The following CCM2L variants were observed in gnomAD, a reference collection of about 807,000 sequenced individuals.
CCM2L encodes CCM2 like scaffold protein.
Under a neutral mutation model 54.1 loss-of-function variants are expected in CCM2L, and 36 were observed. The ratio of observed to expected loss-of-function variants is 0.67; its 90% confidence interval spans 0.51 to 0.88. CCM2L has a LOEUF of 0.88. CCM2L is among the 40% of genes least tolerant of loss of function. The pLI, the probability that CCM2L is intolerant of heterozygous loss-of-function variation, is 0.00. For synonymous variants in CCM2L, 351 were observed against 359.3 expected (o/e 0.98, Z 0.26); for missense variants, 700 against 812.1 (o/e 0.86, Z 1.68).
intron 6 of CCM2L, among the ~76,000 whole-genome samples, chr20:32,023,116 G>A (rs951470227): frequency 1.3e-5 from 2 of 152,034 alleles, no homozygotes; most frequent in Non-Finnish European, 2.9e-5. Context: ...ACAGGCATGT[G>A]CCACCACACC....
chr20:32,019,021 G>T lies in CCM2L; in HGVS notation c.545G>T (p.Gly182Val). The T allele has an allele frequency of 7.5e-7, 1 of 1,329,740 alleles. No homozygotes were observed. Among genetic ancestry groups the T allele is most frequent in the Non-Finnish European group, 9.5e-7 (1 of 1,048,744 alleles). 82.4% of individuals were successfully genotyped at this position (1,329,740 alleles called of 1,614,324 possible). ...GAGRDPGPPG[G>V]APEKRRVGTA... ...GGACGCGACCCCGGCCCGCCAGGCG[G>T]GGCGCCCGAGAAGCGGCGGGTGGGC... The change falls in exon 5 of 10, where the codon GGG becomes GTG. Residue 182 changes from glycine to valine, a missense_variant. Transcript: ENST00000452892.
intron 7 of CCM2L, among the ~76,000 whole-genome samples, chr20:32,026,242 A>G (rs1285909203): frequency 1.3e-5 from 2 of 152,260 alleles, no homozygotes; most frequent in African/African-American, 4.8e-5. Context: ...GGTTCCATGT[A>G]ATAGAAAATC....
chr20:32,017,868 G>A lies in CCM2L; in HGVS notation c.267G>A (p.Leu89=). Residue 89 remains leucine, a synonymous_variant, in exon 3 of 10, where the codon CTG becomes CTA. Coordinates refer to ENST00000452892, the MANE Select transcript of CCM2L (RefSeq NM_001365692.1). The part of the protein sequence containing the change: ...NPSSRDELLQ[L]LDTARQLKEL... ...CCAGTCGGGACGAGCTCCTGCAGCTGCTAGACACCGCCAGGGTGAGACTCT... is the reference window on the plus strand; with the variant it reads ...CCAGTCGGGACGAGCTCCTGCAGCTACTAGACACCGCCAGGGTGAGACTCT... 6.2e-7 allele frequency: 1 copy of A among 1,613,988 alleles called. No homozygotes were observed. The highest frequency in any genetic ancestry group is 8.5e-7 in the Non-Finnish European group (1 of 1,180,014).
Position 32,018,102 on chromosome 20 carries a change from G to A in CCM2L, c.406G>A (p.Glu136Lys), listed in dbSNP as rs747003754. The change falls in exon 4 of 10, where the codon GAG (glutamate) becomes AAG (lysine). Residue 136 changes from glutamate to lysine, a missense_variant. Coordinates refer to ENST00000452892, the MANE Select transcript of CCM2L (RefSeq NM_001365692.1). The stretch of plus-strand genomic sequence containing the variant: ...GCTCATTCTGCGAATCCCTACGCAC[G>A]AGATCGCCGCCGCCTCCTACCTGCA... ...EELILRIPTHEIAAASYLQDD... is the reference protein window; with the variant it reads ...EELILRIPTHKIAAASYLQDD... The A allele has an allele frequency of 2.5e-6, 4 of 1,611,322 alleles. No homozygotes were observed. Among genetic ancestry groups the A allele is most frequent in the African/African-American group, 1.3e-5 (1 of 74,720 alleles).
At chr20:32,018,552 G>T (rs988536217) in intron 4 of CCM2L, among the ~76,000 whole-genome samples, 6 of 152,068 alleles carry the variant, frequency 3.9e-5, no homozygotes, top group African/African-American at 1.4e-4. Context: ...TCCAGGGGCG[G>T]GGCTGAGGAG....
intron 6 of CCM2L, among the ~76,000 whole-genome samples, chr20:32,024,975 G>A (rs1464679712): frequency 1.3e-5 from 2 of 152,238 alleles, no homozygotes; most frequent in African/African-American, 2.4e-5. Flanking sequence ...TAGGAAGAGC[G>A]CAAGCTCTCC....
Position 32,018,180 on chromosome 20 carries a change from GGGGGCGGGGGAGGGGCGGGGGC to G in CCM2L, c.466+23_466+44del. 2.0e-6 allele frequency: 2 copies of G among 997,652 alleles called. No individual in the cohort carries two copies. The highest frequency in any genetic ancestry group is 5.0e-5 in the Admixed American group (1 of 19,972). 61.8% of individuals were successfully genotyped at this position (997,652 alleles called of 1,614,324 possible). On this transcript the variant is annotated intron_variant, in intron 4 of 9. Coordinates refer to ENST00000452892, the MANE Select transcript of CCM2L (RefSeq NM_001365692.1). Reference sequence around the variant, plus strand: ...CAAGACCGGTGCGGCGGGAGGGGGCGGGGGCGGGGGAGGGGCGGGGGCGGGGGCGGGGGAGGGGCGGGGGCGG... The same window carrying G: ...CAAGACCGGTGCGGCGGGAGGGGGCGGGGGGCGGGGGAGGGGCGGGGGCGG...
rs1326999575 is a variant in CCM2L, at chr20:32,029,010, CA to C, written c.1150del (p.Thr384ProfsTer72). The C allele has an allele frequency of 6.2e-7, 1 of 1,614,068 alleles. No individual in the cohort carries two copies. On this transcript the variant is annotated frameshift_variant, in exon 8 of 10. Coordinates refer to ENST00000452892, the MANE Select transcript of CCM2L (RefSeq NM_001365692.1). LOFTEE classifies it high-confidence loss of function. ...CCSSFNGSQD[T>X]FEACYSGTST... Reference sequence around the variant, plus strand: ...GTGCCTGCAGTAATGGCTCCCAGGACACCTTTGAAGCATGTTACAGCGGCAC... The same window carrying C: ...GTGCCTGCAGTAATGGCTCCCAGGACCCTTTGAAGCATGTTACAGCGGCAC...
chr20:32,022,560 G>A (rs1445721970), intron 5 of CCM2L, 100 bp from the exon 6 acceptor site: 3 of 1,408,540 alleles, frequency 2.1e-6, no homozygotes, highest in Non-Finnish European at 2.9e-6. Context: ...CTCTATAGGT[G>A]TGTATCTTTG....
chr20:32,025,406 C>T (rs930712302), intron 6 of CCM2L, among the ~76,000 whole-genome samples: 1 of 151,914 alleles, frequency 6.6e-6, no homozygotes, highest in African/African-American at 2.4e-5. Flanking sequence ...GTAGCCGGGA[C>T]CACAGGCATG....
In CCM2L at chr20:32,031,053, G is replaced by C. The variant is rs763480670; in HGVS notation, c.1455G>C (p.Leu485=). The C allele has an allele frequency of 1.6e-5, 21 of 1,304,280 alleles. No homozygotes were observed. The South Asian group carries it at 2.6e-4, about 16-fold the overall frequency. The allele number at this position is 1,304,280 out of a possible 1,614,324, so 80.8% of individuals were successfully genotyped here. ...DQDIGYFEGF[L]EGVGIREGGI... is the part of the protein sequence containing the mutation. ...ACATCGGCTACTTCGAGGGCTTCCT[G>C]GAGGGCGTGGGCATCCGCGAGGGCG... Residue 485 remains leucine (L), a synonymous_variant, in exon 10 of 10, where the codon CTG becomes CTC. Coordinates refer to ENST00000452892, the MANE Select transcript of CCM2L (RefSeq NM_001365692.1).
At chr20:32,026,840 C>T (rs887809088) in intron 7 of CCM2L, among the ~76,000 whole-genome samples, 8 of 150,404 alleles carry the variant, frequency 5.3e-5, no homozygotes, top group Non-Finnish European at 1.2e-4. Context: ...TGCGCCACTG[C>T]ACTCCAGCCT....
At chr20:32,020,565 T>G (rs1298756904) in intron 5 of CCM2L, among the ~76,000 whole-genome samples, 2 of 152,196 alleles carry the variant, frequency 1.3e-5, no homozygotes, top group Non-Finnish European at 2.9e-5. Flanking sequence ...ACTCCCTTGG[T>G]TTCCCTGTCA....
At chr20:32,023,949 G>C (rs1057103021) in intron 6 of CCM2L, among the ~76,000 whole-genome samples, 12 of 152,118 alleles carry the variant, frequency 7.9e-5, no homozygotes, top group Non-Finnish European at 1.3e-4. Flanking sequence ...TGGCCAGTGT[G>C]GTCTTGATCT....
chr20:32,022,813 T>C lies in CCM2L; in HGVS notation c.1069+18T>C, dbSNP rs2064818137. 1.2e-6 allele frequency: 2 copies of C among 1,611,584 alleles called. No homozygotes were observed. The highest frequency in any genetic ancestry group is 1.1e-5 in the South Asian group (1 of 90,892). ...CAGCCGCAGTGAGTACCAGAACTCC[T>C]GGCCTCCCCTCCTGTGAAACATCCC... is the stretch of plus-strand genomic sequence containing the variant. On this transcript the variant is annotated intron_variant, in intron 6 of 9. Coordinates refer to ENST00000452892, the MANE Select transcript of CCM2L (RefSeq NM_001365692.1).
chr20:32,013,440 G>A (rs1486619538), intron 1 of CCM2L, among the ~76,000 whole-genome samples: 1 of 151,910 alleles, frequency 6.6e-6, no homozygotes. Context: ...GGGGGGGTGG[G>A]GGTTGTTTGT....
intron 9 of CCM2L, 49 bp downstream of exon 9, chr20:32,029,887 C>T (rs1172904732): frequency 1.3e-6 from 2 of 1,494,062 alleles, no homozygotes; most frequent in Non-Finnish European, 1.8e-6. Context: ...CCTGCTTGGT[C>T]CATGCCATCC....
intron 5 of CCM2L, 61 bp downstream of exon 5, chr20:32,019,470 C>T (rs1568917836): frequency 5.7e-6 from 7 of 1,222,838 alleles, no homozygotes; most frequent in Non-Finnish European, 7.6e-6. Flanking sequence ...TCCCCGCCCC[C>T]ACCTTGCCCC....
intron 1 of CCM2L, among the ~76,000 whole-genome samples, chr20:32,012,627 GCA>G (rs1188858675): frequency 1.3e-5 from 2 of 152,136 alleles, no homozygotes; most frequent in South Asian, 2.1e-4. Context: ...TGGTAGAAAT[GCA>G]CAGTCTCAAG....
Sources: allele counts gnomAD v4.1 joint callset (sites outside exome capture counted in the v4.1 genomes callset), GRCh38; gene constraint gnomAD v4.1.1; transcripts MANE v1.5; gene names NCBI Gene and HGNC (gene_info 2026-07-23, HGNC 2026-07-21).